The following PWWP3B variants were observed in gnomAD, a reference collection of about 807,000 sequenced individuals.
The protein encoded by PWWP3B is PWWP domain containing 3B.
PWWP3B carries 5 observed loss-of-function variants against 15.7 expected under a neutral mutation model. The observed-to-expected ratio is 0.32, with a 90% CI of 0.17 to 0.67. The LOEUF is 0.67. Ranked by LOEUF, PWWP3B falls within the 30% of genes least tolerant of loss-of-function variation. The pLI is 0.74. For missense variants in PWWP3B, 519 were observed against 493.1 expected, an observed-to-expected ratio of 1.05 and a Z score of -0.50; for synonymous variants, 203 against 179.8, an observed-to-expected ratio of 1.13 and a Z score of -1.03.
At chrX:106,170,823 C>A in intron 1 of PWWP3B, among the ~76,000 whole-genome samples, 189 bp from the exon 2 acceptor site, 1 of 111,497 alleles carries the variant, frequency 9.0e-6, no homozygotes, top group Non-Finnish European at 1.9e-5. Context: ...ATGATTTTAG[C>A]ATGAACGAAA....
intron 2 of PWWP3B, among the ~76,000 whole-genome samples, chrX:106,181,366 C>T (rs771594365): frequency 1.8e-5 from 2 of 111,661 alleles, no homozygotes; most frequent in Non-Finnish European, 3.8e-5. Context: ...TTACACAGCG[C>T]TGATTGGTCC....
intron 2 of PWWP3B, among the ~76,000 whole-genome samples, chrX:106,194,935 G>A (rs963267760): frequency 3.6e-5 from 4 of 111,529 alleles, no homozygotes; most frequent in African/African-American, 6.5e-5. Context: ...GCCGTATGAG[G>A]TGTCAGTCTG....
At chrX:106,187,764 A>C (rs752450436) in intron 2 of PWWP3B, among the ~76,000 whole-genome samples, 1 of 111,593 alleles carries the variant, frequency 9.0e-6, no homozygotes, top group East Asian at 2.8e-4. Context: ...GAAATGTCTA[A>C]GATTCCTTGC....
At chrX:106,179,199 G>A (rs1360902905) in intron 2 of PWWP3B, among the ~76,000 whole-genome samples, 1 of 112,055 alleles carries the variant, frequency 8.9e-6, no homozygotes, top group Non-Finnish European at 1.9e-5. Context: ...AATTGTATAT[G>A]TCTAAAAGAA....
intron 2 of PWWP3B, among the ~76,000 whole-genome samples, chrX:106,202,934 A>G (rs1923787307): frequency 1.8e-5 from 2 of 112,087 alleles, no homozygotes; most frequent in Non-Finnish European, 3.8e-5. Context: ...AGACAGGGAT[A>G]GCTTTACCAT....
chrX:106,173,388 T>C (rs1199833695), intron 2 of PWWP3B, among the ~76,000 whole-genome samples: 1 of 111,685 alleles, frequency 9.0e-6, no homozygotes, highest in African/African-American at 3.3e-5. Context: ...CTTCTCTTTT[T>C]TGTACCCCCC....
At chrX:106,202,998 C>T (rs993191307) in intron 2 of PWWP3B, among the ~76,000 whole-genome samples, 40 of 110,765 alleles carry the variant, frequency 3.6e-4, no homozygotes, top group African/African-American at 1.2e-3. Context: ...GTTACATCTT[C>T]GGGGAAATAT....
chrX:106,194,591 T>C (rs909274526), intron 2 of PWWP3B, among the ~76,000 whole-genome samples: 12 of 112,221 alleles, frequency 1.1e-4, no homozygotes, highest in African/African-American at 3.6e-4. Context: ...TGAGGAGCTG[T>C]GTTCCTTCGG....
At chrX:106,191,206 C>T (rs1488925300) in intron 2 of PWWP3B, among the ~76,000 whole-genome samples, 1 of 111,056 alleles carries the variant, frequency 9.0e-6, no homozygotes, top group Non-Finnish European at 1.9e-5. Context: ...TTATTTGTGT[C>T]CTCTTTTATT....
Position 106,206,330 on chromosome X carries a change from A to G in PWWP3B, c.898A>G (p.Met300Val), listed in dbSNP as rs1339466569. The G allele has an allele frequency of 6.6e-6, 8 of 1,203,237 alleles. No homozygotes were observed. The highest frequency in any genetic ancestry group is 5.9e-5 in the East Asian group (2 of 33,723). ...AGATACCAGCCAGAATCAACCTTCC[A>G]TGGAATCAGAGATGGGGGCTGCAGC... is the stretch of plus-strand genomic sequence containing the variant. ...CLDTSQNQPS[M>V]ESEMGAAACP... Residue 300 changes from methionine to valine, a missense_variant, in exon 4 of 4, where the codon ATG becomes GTG. By Grantham distance (21) the Met-to-Val change is conservative. Coordinates refer to ENST00000357175, the MANE Select transcript of PWWP3B (RefSeq NM_001171020.2).
intron 2 of PWWP3B, among the ~76,000 whole-genome samples, chrX:106,191,582 A>G (rs1922965824): frequency 1.8e-5 from 2 of 111,481 alleles, no homozygotes; most frequent in Non-Finnish European, 3.8e-5. Context: ...ACTATGTTGA[A>G]TAAGAGTGGT....
At chrX:106,196,157 A>G (rs1923364168) in intron 2 of PWWP3B, among the ~76,000 whole-genome samples, 1 of 111,748 alleles carries the variant, frequency 8.9e-6, no homozygotes, top group African/African-American at 3.2e-5. Flanking sequence ...AAACTTACTT[A>G]TTAGGTCTCA....
intron 2 of PWWP3B, among the ~76,000 whole-genome samples, chrX:106,171,820 T>C (rs971054167): frequency 1.4e-4 from 15 of 110,636 alleles, no homozygotes; most frequent in Non-Finnish European, 2.6e-4. Context: ...TACTGAATAC[T>C]GTAGGCAGTT....
At position 106,207,118 on chromosome X, in the gene PWWP3B, T is replaced by G. The variant is rs1432908242; in HGVS notation, c.1686T>G (p.Asn562Lys). ...ANKNLVDFIVNAKGTENHLLA... is the reference protein window; with the variant it reads ...ANKNLVDFIVKAKGTENHLLA... ...AGAACCTGGTGGACTTCATTGTGAA[T>G]GCAAAGGGAACAGAGAACCATCTTC... The change falls in exon 4 of 4, where the codon AAT becomes AAG. Residue 562 changes from asparagine to lysine, a missense_variant. Physicochemically the swap from Asn to Lys is moderately conservative, Grantham distance 94. Coordinates refer to ENST00000357175, the MANE Select transcript of PWWP3B (RefSeq NM_001171020.2). The G allele has an allele frequency of 2.5e-6, 3 of 1,206,637 alleles. No homozygotes were observed. The Admixed American group carries it at 6.6e-5, about 27-fold the overall frequency.
chrX:106,169,208 T>C (rs1314267111), intron 1 of PWWP3B, among the ~76,000 whole-genome samples: 1 of 111,680 alleles, frequency 9.0e-6, no homozygotes, highest in Non-Finnish European at 1.9e-5. Context: ...GATGAGAACT[T>C]AAAATCATGG....
chrX:106,202,140 GA>G (rs1188206793), intron 2 of PWWP3B, among the ~76,000 whole-genome samples: 1 of 111,839 alleles, frequency 8.9e-6, no homozygotes, highest in African/African-American at 3.2e-5. Flanking sequence ...AGTATGGGGG[GA>G]AATACACCTA....
chrX:106,173,866 C>G (rs1011228682), intron 2 of PWWP3B, among the ~76,000 whole-genome samples: 6 of 111,568 alleles, frequency 5.4e-5, no homozygotes, highest in African/African-American at 2.0e-4. Flanking sequence ...AGATGACAAC[C>G]TAGCATTGTT....
Position 106,207,628 on chromosome X carries a change from G to A in PWWP3B, c.*105G>A. On this transcript the variant is annotated 3_prime_UTR_variant, in exon 4 of 4. Transcript: ENST00000357175. Reference sequence around the variant, plus strand: ...ACATATTTTCTGCAAATGGGAGCATGGATAATGTGTTCACTTTTTTTTGAG... The same window carrying A: ...ACATATTTTCTGCAAATGGGAGCATAGATAATGTGTTCACTTTTTTTTGAG... 1.3e-6 allele frequency: 1 copy of A among 788,917 alleles called. No homozygotes were observed. Among genetic ancestry groups the A allele is most frequent in the Non-Finnish European group, 1.7e-6 (1 of 582,491 alleles). 65.0% of individuals were successfully genotyped at this position (788,917 alleles called of 1,213,427 possible). A position where few individuals can be genotyped will look rare whatever the true frequency, so the allele number is the denominator to read the frequency against.
chrX:106,191,136 A>T (rs1293709753), intron 2 of PWWP3B, among the ~76,000 whole-genome samples: 1 of 110,303 alleles, frequency 9.1e-6, no homozygotes, highest in Non-Finnish European at 1.9e-5. Flanking sequence ...TACCTTGGGC[A>T]GTATGGCCAT....
Sources: allele counts gnomAD v4.1 joint callset (sites outside exome capture counted in the v4.1 genomes callset), GRCh38; gene constraint gnomAD v4.1.1; transcripts MANE v1.5; gene names NCBI Gene and HGNC (gene_info 2026-07-23, HGNC 2026-07-21).